Variants in MREG observed in about 807,000 individuals in gnomAD.
MREG encodes melanoregulin, also known as dilute suppressor protein homolog.
In MREG, 31 loss-of-function variants were observed where a neutral mutation model predicts 28.5. That is an observed-to-expected ratio of 1.09 (90% CI 0.82 to 1.47). MREG has a LOEUF of 1.47. Among genes scored for constraint, MREG ranks in the 40% most tolerant of loss-of-function variants. The pLI, the probability that MREG is intolerant of heterozygous loss-of-function variation, is 0.00. For missense variants in MREG, 256 were observed against 257.4 expected (o/e 0.99, Z 0.04); for synonymous variants, 106 against 95.2 (o/e 1.11, Z -0.66).
chr2:215,988,166 G>A (rs754099840), intron 2 of MREG, among the ~76,000 whole-genome samples: 3 of 152,128 alleles, frequency 2.0e-5, no homozygotes, highest in Non-Finnish European at 4.4e-5. Context: ...CAGAAGACGG[G>A]TGATTTCTGC....
chr2:215,980,704 C>T (rs563191077), intron 2 of MREG, among the ~76,000 whole-genome samples: 8 of 152,220 alleles, frequency 5.3e-5, no homozygotes, highest in African/African-American at 1.7e-4. Flanking sequence ...CCAAGGTACT[C>T]GGGAGGCTGA....
chr2:216,008,880 T>C (rs1694227416), intron 1 of MREG, among the ~76,000 whole-genome samples: 1 of 152,194 alleles, frequency 6.6e-6, no homozygotes, highest in Non-Finnish European at 1.5e-5. Flanking sequence ...AAGATGAACT[T>C]CCTTGTCAGA....
At chr2:215,953,356 C>T (rs142309840) in intron 2 of MREG, among the ~76,000 whole-genome samples, 4 of 152,322 alleles carry the variant, frequency 2.6e-5, no homozygotes, top group African/African-American at 7.2e-5. Context: ...TTTAAAATAG[C>T]CATGCATGGG....
rs1404098443 is a variant in MREG, at chr2:216,010,354, C to CTCTTT, written c.95+2878_95+2879insAAAGA. The stretch of plus-strand genomic sequence containing the variant: ...TAGAACTGTGAAAGAAAAGATTTCT[C>CTCTTT]TTTTTTTTTTTTTTTTTTTTTGAGA... On this transcript the variant is annotated intron_variant, in intron 1 of 4. Coordinates refer to ENST00000263268, the MANE Select transcript of MREG (RefSeq NM_018000.3). Among the ~76,000 whole-genome samples, 520 of 94,376 alleles carry CTCTTT rather than the reference C, an allele frequency of 5.5e-3. 6 individuals carry two copies. The highest frequency in any genetic ancestry group is 7.9e-3 in the Non-Finnish European group (404 of 50,970). 61.9% of individuals were successfully genotyped at this position (94,376 alleles called of 152,430 possible).
downstream of MREG, among the ~76,000 whole-genome samples, chr2:215,941,511 C>T (rs1454672263): frequency 1.3e-5 from 2 of 152,168 alleles, no homozygotes; most frequent in East Asian, 1.9e-4. Flanking sequence ...TATTCATGTA[C>T]TCCCCTTCCC....
At chr2:215,954,706 ATT>A (rs776870197) in intron 2 of MREG, among the ~76,000 whole-genome samples, 1 of 144,860 alleles carries the variant, frequency 6.9e-6, no homozygotes, top group Non-Finnish European at 1.5e-5. Context: ...TCACTATTTT[ATT>A]TTTTTTTTTT....
chr2:215,983,665 T>C (rs1236332038), intron 2 of MREG, among the ~76,000 whole-genome samples: 2 of 152,228 alleles, frequency 1.3e-5, no homozygotes, highest in African/African-American at 2.4e-5. Context: ...AGTAATTGTA[T>C]GTATTTATGA....
At position 216,010,352 on chromosome 2, in the gene MREG, C is replaced by CTATTTTTT. The variant is rs1332869944; in HGVS notation, c.95+2880_95+2881insAAAAAATA. Among the ~76,000 whole-genome samples, 657 of 75,512 alleles carry CTATTTTTT rather than the reference C, an allele frequency of 8.7e-3. 10 individuals are homozygous for CTATTTTTT. Among genetic ancestry groups the CTATTTTTT allele is most frequent in the African/African-American group, 0.031 (637 of 20,278 alleles). The allele number at this position is 75,512 out of a possible 152,430, so 49.5% of individuals were successfully genotyped here. A position where few individuals can be genotyped will look rare whatever the true frequency, so the allele number is the denominator to read the frequency against. On this transcript the variant is annotated intron_variant, in intron 1 of 4. Coordinates refer to ENST00000263268, the MANE Select transcript of MREG (RefSeq NM_018000.3). ...TCTAGAACTGTGAAAGAAAAGATTTCTCTTTTTTTTTTTTTTTTTTTTTGA... is the reference window on the plus strand; with the variant it reads ...TCTAGAACTGTGAAAGAAAAGATTTCTATTTTTTTCTTTTTTTTTTTTTTTTTTTTTGA...
chr2:215,960,830 T>G (rs13010073), intron 2 of MREG, among the ~76,000 whole-genome samples: 1 of 151,520 alleles, frequency 6.6e-6, no homozygotes, highest in Admixed American at 6.6e-5. Context: ...CGAGACTCCA[T>G]CACAAAAAAA....
At chr2:215,952,232 G>T (rs757510580) in intron 2 of MREG, among the ~76,000 whole-genome samples, 14 of 152,096 alleles carry the variant, frequency 9.2e-5, no homozygotes, top group Non-Finnish European at 1.8e-4. Flanking sequence ...ATGAACATGG[G>T]GGTACAGATA....
chr2:215,994,956 G>A (rs13397803), intron 2 of MREG, among the ~76,000 whole-genome samples: 17,970 of 152,176 alleles, frequency 0.12, 2,124 homozygotes, highest in African/African-American at 0.31. Context: ...AGAGTCAGGG[G>A]AGAAGAGGAA....
chr2:216,013,805 C>A (rs1022708241), upstream of MREG, among the ~76,000 whole-genome samples: 6 of 152,006 alleles, frequency 3.9e-5, no homozygotes, highest in Admixed American at 3.9e-4. Context: ...AATTAAAGAT[C>A]CTCCCCCACC....
chr2:216,028,306 G>A (rs984005185), intron 1 of MREG, among the ~76,000 whole-genome samples: 9 of 152,016 alleles, frequency 5.9e-5, no homozygotes, highest in African/African-American at 1.9e-4. Flanking sequence ...ACGAGGTCAG[G>A]AGATCGAGAT....
upstream of MREG, among the ~76,000 whole-genome samples, chr2:216,017,060 T>C (rs1489460238): frequency 6.6e-6 from 1 of 152,190 alleles, no homozygotes; most frequent in Non-Finnish European, 1.5e-5. Context: ...TCCCCCCGGG[T>C]AACCATTATT....
chr2:216,019,507 CT>C (rs373116320), intron 1 of MREG, among the ~76,000 whole-genome samples: 304 of 141,054 alleles, frequency 2.2e-3, no homozygotes, highest in East Asian at 3.8e-3. Flanking sequence ...ATTTTCAAAC[CT>C]TTTTTTTTTT....
At chr2:215,986,063 T>C (rs1417625340) in intron 2 of MREG, among the ~76,000 whole-genome samples, 1 of 152,234 alleles carries the variant, frequency 6.6e-6, no homozygotes, top group East Asian at 1.9e-4. Context: ...GAGTTCATTT[T>C]TCAATTATCT....
At chr2:215,981,017 T>C (rs146505064) in intron 2 of MREG, among the ~76,000 whole-genome samples, 1,869 of 152,140 alleles carry the variant, frequency 0.012, 20 homozygotes, top group South Asian at 0.021. Flanking sequence ...CTGGTGAAAA[T>C]GTAAAATGGT....
chr2:215,982,278 G>A (rs967925331), intron 2 of MREG, among the ~76,000 whole-genome samples: 1 of 150,028 alleles, frequency 6.7e-6, no homozygotes, highest in Non-Finnish European at 1.5e-5. Context: ...CCAAGATCAC[G>A]CCATTGCACT....
intron 2 of MREG, among the ~76,000 whole-genome samples, chr2:215,991,824 C>A (rs1693728761): frequency 6.6e-6 from 1 of 152,146 alleles, no homozygotes; most frequent in African/African-American, 2.4e-5. Context: ...CGGACACATA[C>A]ACACTCCTAA....
Sources: gnomAD v4.1 joint callset for allele counts (sites outside exome capture counted in the v4.1 genomes callset) on GRCh38, gnomAD v4.1.1 for gene constraint, MANE v1.5 for transcripts, NCBI Gene and HGNC (gene_info 2026-07-23, HGNC 2026-07-21) for gene names.